The following PCDH15 variants were observed in gnomAD, a reference collection of about 807,000 sequenced individuals.
PCDH15 encodes protocadherin related 15.
PCDH15 carries 129 observed loss-of-function variants against 178.5 expected under a neutral mutation model. The observed-to-expected ratio is 0.72, with a 90% CI of 0.63 to 0.84. PCDH15 has a LOEUF of 0.84. Ranked by LOEUF, PCDH15 falls within the 40% of genes least tolerant of loss-of-function variation. The pLI, the probability that PCDH15 is intolerant of heterozygous loss-of-function variation, is 0.00. For synonymous variants in PCDH15, 800 were observed against 732.0 expected, an observed-to-expected ratio of 1.09 and a Z score of -1.50; for missense variants, 2,230 against 2,099.9, an observed-to-expected ratio of 1.06 and a Z score of -1.21.
intron 15 of PCDH15, among the ~76,000 whole-genome samples, chr10:54,110,790 C>T (rs577513644): frequency 1.6e-4 from 25 of 152,058 alleles, no homozygotes; most frequent in Non-Finnish European, 2.1e-4. Flanking sequence ...GACATTTTTT[C>T]CCTTATTTTC....
At position 54,528,055 on chromosome 10, in the gene PCDH15, C is replaced by G. The variant is rs187110968; in HGVS notation, c.92-178G>C. 8.2e-3 allele frequency among the ~76,000 whole-genome samples: 1,254 copies of G among 152,058 alleles called. 16 individuals carry two copies. The highest frequency in any genetic ancestry group is 0.028 in the African/African-American group (1,182 of 41,510). ...TTATAATAACCACATAGATTCCTTA[C>G]CACATCATAATACAGTCACTTTGTG... On this transcript the variant is annotated intron_variant, in intron 2 of 37. Transcript: ENST00000644397.
chr10:55,265,807 T>G (rs980195155), intron 1 of PCDH15, among the ~76,000 whole-genome samples: 1 of 152,136 alleles, frequency 6.6e-6, no homozygotes, highest in Non-Finnish European at 1.5e-5. Context: ...AAAGGATACA[T>G]GCATTACTCA....
intron 18 of PCDH15, among the ~76,000 whole-genome samples, chr10:54,037,562 A>G (rs2093444550): frequency 6.6e-6 from 1 of 151,938 alleles, no homozygotes; most frequent in African/African-American, 2.4e-5. Context: ...TGCTAATTGC[A>G]GTATGGAGTA....
At chr10:54,840,053 A>G (rs1457747302) in intron 3 of PCDH15, among the ~76,000 whole-genome samples, 1 of 152,114 alleles carries the variant, frequency 6.6e-6, no homozygotes, top group Non-Finnish European at 1.5e-5. Context: ...AATAAATGCC[A>G]AAAGAATTCT....
At chr10:54,015,264 A>G (rs1339505867) in intron 20 of PCDH15, among the ~76,000 whole-genome samples, 1 of 152,198 alleles carries the variant, frequency 6.6e-6, no homozygotes, top group Admixed American at 6.5e-5. Context: ...GATGACAGAA[A>G]CAAATTGAAA....
intron 13 of PCDH15, among the ~76,000 whole-genome samples, chr10:54,168,075 CTCT>C (rs933779548): frequency 9.9e-5 from 15 of 151,988 alleles, no homozygotes; most frequent in African/African-American, 3.4e-4. Context: ...AACTTAAAAC[CTCT>C]TCAACTCACA....
At chr10:54,165,476 CTATT>C (rs1564576809) in intron 13 of PCDH15, among the ~76,000 whole-genome samples, 2 of 152,112 alleles carry the variant, frequency 1.3e-5, no homozygotes, top group African/African-American at 4.8e-5. Flanking sequence ...CACAGCCTGA[CTATT>C]TAAAGGGCTT....
intron 2 of PCDH15, among the ~76,000 whole-genome samples, chr10:55,070,520 A>AT (rs1841706959): frequency 6.6e-6 from 1 of 152,124 alleles, no homozygotes; most frequent in African/African-American, 2.4e-5. Context: ...TCCCAGCACC[A>AT]TTTTTTAAAT....
chr10:53,996,298 A>G (rs2091843168), intron 20 of PCDH15, among the ~76,000 whole-genome samples: 1 of 152,174 alleles, frequency 6.6e-6, no homozygotes, highest in Non-Finnish European at 1.5e-5. Flanking sequence ...AGCGCACTAA[A>G]ATAATGACAC....
chr10:54,731,541 G>GAGATATATATATATATATATAT (rs1401452530), intron 1 of PCDH15, among the ~76,000 whole-genome samples: 2 of 68,316 alleles, frequency 2.9e-5, no homozygotes, highest in Admixed American at 1.4e-4. Context: ...GAAAATGTGA[G>GAGATATATATATATATATATAT]ATAGATATAT....
intron 2 of PCDH15, among the ~76,000 whole-genome samples, chr10:54,649,769 G>T (rs1279482128): frequency 6.6e-6 from 1 of 151,682 alleles, no homozygotes; most frequent in African/African-American, 2.4e-5. Context: ...CTGTGGGGTG[G>T]GTAATATCTC....
At chr10:55,057,528 C>A (rs1247533237) in intron 2 of PCDH15, among the ~76,000 whole-genome samples, 2 of 152,158 alleles carry the variant, frequency 1.3e-5, no homozygotes, top group East Asian at 3.9e-4. Flanking sequence ...TCCCTGACAG[C>A]ACACTCTACA....
At chr10:55,618,845 A>C (rs1843530132) in intron 2 of PCDH15, among the ~76,000 whole-genome samples, 1 of 152,060 alleles carries the variant, frequency 6.6e-6, no homozygotes, top group South Asian at 2.1e-4. Context: ...GACATAAAGA[A>C]AATTGTTTGT....
chr10:54,799,714 A>T (rs1209150330), intron 1 of PCDH15, among the ~76,000 whole-genome samples: 1 of 152,144 alleles, frequency 6.6e-6, no homozygotes, highest in Non-Finnish European at 1.5e-5. Flanking sequence ...CTTTTATTTC[A>T]TAGGAGAATG....
At chr10:54,639,501 G>C (rs1051279986) in intron 2 of PCDH15, among the ~76,000 whole-genome samples, 13 of 151,976 alleles carry the variant, frequency 8.6e-5, no homozygotes, top group African/African-American at 3.1e-4. Flanking sequence ...ATTCATGTTT[G>C]AGGATTATTT....
At chr10:54,845,026 A>G (rs894492879) in intron 3 of PCDH15, among the ~76,000 whole-genome samples, 1 of 152,004 alleles carries the variant, frequency 6.6e-6, no homozygotes, top group Non-Finnish European at 1.5e-5. Context: ...TCATGTTGAA[A>G]TTAAGATTTA....
At chr10:54,333,720 T>C (rs1940388795) in intron 6 of PCDH15, among the ~76,000 whole-genome samples, 1 of 152,140 alleles carries the variant, frequency 6.6e-6, no homozygotes, top group African/African-American at 2.4e-5. Flanking sequence ...GACTGTAGAT[T>C]CCTAGCATCT....
chr10:55,339,048 T>C (rs770438840), intron 2 of PCDH15, among the ~76,000 whole-genome samples: 1 of 152,156 alleles, frequency 6.6e-6, no homozygotes, highest in Non-Finnish European at 1.5e-5. Flanking sequence ...CACAGTTAGA[T>C]AGCATGAATA....
chr10:55,276,139 G>GT (rs567664463), intron 1 of PCDH15, among the ~76,000 whole-genome samples: 25 of 148,440 alleles, frequency 1.7e-4, no homozygotes, highest in Middle Eastern at 8.2e-3. Context: ...TTGTCTATGT[G>GT]TTTTTTTTTA....
Sources: gnomAD v4.1 joint callset for allele counts (sites outside exome capture counted in the v4.1 genomes callset) on GRCh38, gnomAD v4.1.1 for gene constraint, MANE v1.5 for transcripts, NCBI Gene and HGNC (gene_info 2026-07-23, HGNC 2026-07-21) for gene names.